Variants in HOOK2 observed in about 807,000 individuals in gnomAD.
HOOK2 encodes hook microtubule tethering protein 2.
A neutral mutation model predicts 111.9 loss-of-function variants in HOOK2; 108 were observed. That is an observed-to-expected ratio of 0.96 (90% confidence interval 0.83 to 1.13). The LOEUF is 1.13. Among genes scored for constraint, HOOK2 ranks in the 50% most tolerant of loss-of-function variants. The probability of loss-of-function intolerance (pLI) is 0.00; values close to 1 mark genes in which losing one functional copy is unlikely to be tolerated. For synonymous variants in HOOK2, 405 were observed against 394.3 expected (o/e 1.03, Z -0.32); for missense variants, 978 against 951.3 (o/e 1.03, Z -0.37).
At chr19:12,768,711 C>A (rs939604350) in intron 11 of HOOK2, among the ~76,000 whole-genome samples, 2 of 152,076 alleles carry the variant, frequency 1.3e-5, no homozygotes, top group African/African-American at 2.4e-5. Flanking sequence ...TGGCCTCAAG[C>A]GATCTCCCAT....
rs1169135270 is a variant in HOOK2 at position 12,791,206 on chromosome 19, C to G, written n.42-16981G>C. Among the ~76,000 whole-genome samples the G allele has an allele frequency of 6.6e-6, 1 of 152,240 alleles. No homozygotes were observed. Among genetic ancestry groups the G allele is most frequent in the African/African-American group, 2.4e-5 (1 of 41,462 alleles). ...GACTCCAGGGAAATCATCCTCCTCC[C>G]TGAAACCCCTCACTCATGTGCCTGG... On this transcript the variant is annotated intron_variant and non_coding_transcript_variant, in intron 3 of 3. Coordinates refer to the HOOK2 transcript ENST00000589765. The surrounding 1 kb of genome is among the most constrained non-coding windows in gnomAD (Gnocchi z 7.0).
Position 12,766,122 on chromosome 19 carries a change from C to A in HOOK2, c.1492G>T (p.Gly498Trp). ...GCTCACCGGTGCTGCGTCTCCAACC[C>A]GTGGCGCGCGCGGTTGGCATCCTCC... The part of the protein sequence containing the change: ...HLEDANRARH[G>W]LETQHRLNQQ... The change falls in exon 15 of 23, where the codon GGG becomes TGG. Residue 498 changes from glycine (G) to tryptophan (W), a missense_variant. Gly to Trp is a radical substitution (Grantham distance 184). This residue lies in a region of HOOK2 where 388 missense variants were observed against 358.3 expected (regional missense o/e 1.08). Coordinates refer to ENST00000397668, the MANE Select transcript of HOOK2 (RefSeq NM_013312.3). The A allele has an allele frequency of 1.9e-6, 3 of 1,602,158 alleles. No individual in the cohort carries two copies. Among genetic ancestry groups the A allele is most frequent in the Non-Finnish European group, 2.5e-6 (3 of 1,178,914 alleles).
upstream of HOOK2, among the ~76,000 whole-genome samples, chr19:12,781,536 C>T (rs111806715): frequency 2.0e-5 from 3 of 151,668 alleles, no homozygotes; most frequent in African/African-American, 7.3e-5. Context: ...GTGTGTTAGC[C>T]AGGATGGTCT....
At chr19:12,788,411 T>G (rs1450403818) in intron 3 of HOOK2, among the ~76,000 whole-genome samples, 1 of 152,144 alleles carries the variant, frequency 6.6e-6, no homozygotes, top group Non-Finnish European at 1.5e-5. Context: ...ATTAAAATAA[T>G]AATTATTATT....
chr19:12,764,519 G>T (rs891358317), intron 20 of HOOK2: 2 of 331,736 alleles, frequency 6.0e-6, no homozygotes, highest in Non-Finnish European at 5.6e-6. Flanking sequence ...TAGTAGAGAT[G>T]GGGTTTCACC....
At chr19:12,771,619 G>T in intron 7 of HOOK2, 142 bp from the exon 8 acceptor site, 1 of 719,328 alleles carries the variant, frequency 1.4e-6, no homozygotes, top group South Asian at 1.7e-5. Flanking sequence ...GCAGTGGCTC[G>T]CGCCTATAAT....
chr19:12,779,426 C>A (rs1169473549), upstream of HOOK2, among the ~76,000 whole-genome samples: 1 of 152,074 alleles, frequency 6.6e-6, no homozygotes, highest in African/African-American at 2.4e-5. Flanking sequence ...TCTGGCAGGC[C>A]CCCTACAGCC....
intron 6 of HOOK2, 116 bp from the exon 7 acceptor site, chr19:12,772,368 T>C (rs1349758452): frequency 4.1e-6 from 5 of 1,225,654 alleles, no homozygotes; most frequent in Non-Finnish European, 6.0e-6. Context: ...TTCTGCCCAA[T>C]AACCCCAGCC....
chr19:12,763,685 G>C lies in HOOK2; in HGVS notation c.1921C>G (p.Arg641Gly). The C allele has an allele frequency of 6.2e-7, 1 of 1,614,190 alleles. No individual in the cohort carries two copies. The highest frequency in any genetic ancestry group is 8.5e-7 in the Non-Finnish European group (1 of 1,180,004). Residue 641 changes from arginine (R) to glycine (G), a missense_variant, in exon 21 of 23, where the codon CGC becomes GGC. Arg to Gly is a moderately radical substitution (Grantham distance 125). This residue lies in a region of HOOK2 where 277 missense variants were observed against 265.8 expected (regional missense o/e 1.04). Transcript: ENST00000397668. ...LRTQLRERDV[R>G]IRHLEMDFEK... ...ACACCCACCTCCAGGTGTCGGATGC[G>C]GACATCCCGTTCTCGGAGCTGTGTC...
Position 12,772,267 on chromosome 19 carries a change from G to A in HOOK2, c.457-15C>T. The A allele has an allele frequency of 6.2e-7, 1 of 1,613,496 alleles. No homozygotes were observed. The highest frequency in any genetic ancestry group is 1.1e-5 in the South Asian group (1 of 91,076). The stretch of plus-strand genomic sequence containing the variant: ...TTGGTCATGAGCTGAGGAGTGGGAA[G>A]GGGCATTGTAATGAACTGGATATCT... On this transcript the variant is annotated splice_polypyrimidine_tract_variant and intron_variant, in intron 6 of 22. Transcript: ENST00000397668.
At chr19:12,766,409 G>C in intron 14 of HOOK2, 169 bp from the exon 15 acceptor site, 1 of 779,820 alleles carries the variant, frequency 1.3e-6, no homozygotes, top group Non-Finnish European at 1.9e-6. Flanking sequence ...CCCGGCCCAG[G>C]GTTAAAGTGG....
rs1968692773 is a variant in HOOK2, at chr19:12,790,010, T to G, written n.42-15785A>C. Among the ~76,000 whole-genome samples the G allele has an allele frequency of 6.6e-6, 1 of 152,026 alleles. No individual in the cohort carries two copies. The highest frequency in any genetic ancestry group is 1.5e-5 in the Non-Finnish European group (1 of 67,966). ...CCCGCGCTCAGTCCTGCCCGCGGACTCCCGCCTGTTGCCATGGCGACCAGG... is the reference window on the plus strand; with the variant it reads ...CCCGCGCTCAGTCCTGCCCGCGGACGCCCGCCTGTTGCCATGGCGACCAGG... On this transcript the variant is annotated intron_variant and non_coding_transcript_variant, in intron 3 of 3. Coordinates refer to the HOOK2 transcript ENST00000589765. This position sits in a 1 kb window ranked among gnomAD's most constrained non-coding sequence, Gnocchi z 7.2.
At chr19:12,779,939 C>A (rs1968582251), upstream of HOOK2, among the ~76,000 whole-genome samples, 2 of 152,086 alleles carry the variant, frequency 1.3e-5, no homozygotes, top group Admixed American at 6.6e-5. Context: ...CACTTGAGGT[C>A]AGGGGTTCAA....
chr19:12,792,152 C>T lies in HOOK2; in HGVS notation n.42-17927G>A, dbSNP rs776344055. 1.6e-5 allele frequency: 26 copies of T among 1,595,718 alleles called. No homozygotes were observed. The South Asian group carries it at 1.9e-4, about 12-fold the overall frequency. ...GAGGTGCAGGGGGCGCAGGGGGCGG[C>T]GTCACCGAGGAGCAGGAGGGCTTCG... On this transcript the variant is annotated intron_variant and non_coding_transcript_variant, in intron 3 of 3. Coordinates refer to the HOOK2 transcript ENST00000589765.
chr19:12,765,837 G>C lies in HOOK2; in HGVS notation c.1600-3C>G, dbSNP rs1033177489. On this transcript the variant is annotated splice_region_variant and splice_polypyrimidine_tract_variant and intron_variant, in intron 16 of 22. Coordinates refer to ENST00000397668, the MANE Select transcript of HOOK2 (RefSeq NM_013312.3). ...GGGCCCATGGTACTTACAATGGCCT[G>C]TATGGGGCATCGGGCAGCATGGGAG... The C allele has an allele frequency of 1.2e-6, 2 of 1,611,312 alleles. No individual in the cohort carries two copies. Among genetic ancestry groups the C allele is most frequent in the African/African-American group, 2.7e-5 (2 of 74,852 alleles).
At chr19:12,765,167 G>C in intron 18 of HOOK2, 86 bp from the exon 19 acceptor site, 2 of 1,299,404 alleles carry the variant, frequency 1.5e-6, no homozygotes, top group Non-Finnish European at 2.2e-6. Flanking sequence ...CTCCCCGCCA[G>C]CCAGAAATGC....
At position 12,769,868 on chromosome 19, in the gene HOOK2, G is replaced by A; in HGVS notation, c.1104+13C>T. ...GGGGCGGGGCCCCGGCCCTAACCCC[G>A]CCCCCGCCGCACCTGCCGCCGCTGC... On this transcript the variant is annotated intron_variant, in intron 11 of 22. Transcript: ENST00000397668. The A allele has an allele frequency of 1.4e-6, 2 of 1,416,414 alleles. No homozygotes were observed. Among genetic ancestry groups the A allele is most frequent in the East Asian group, 3.0e-5 (1 of 33,754 alleles). The allele number at this position is 1,416,414 out of a possible 1,614,324, so 87.7% of individuals were successfully genotyped here.
chr19:12,767,546 T>C (rs1265897765), intron 13 of HOOK2, 82 bp from the exon 14 acceptor site: 4 of 1,219,120 alleles, frequency 3.3e-6, no homozygotes, highest in Admixed American at 1.8e-5. Context: ...GGATCATCTT[T>C]TGGGGCTTCA....
intron 14 of HOOK2, 107 bp downstream of exon 14, chr19:12,767,288 G>T: frequency 1.1e-6 from 1 of 936,348 alleles, no homozygotes; most frequent in Non-Finnish European, 1.7e-6. Context: ...ACCTGGAGCT[G>T]AGACCAAGCA....
Sources: gnomAD v4.1 joint callset for allele counts (sites outside exome capture counted in the v4.1 genomes callset) on GRCh38, gnomAD v4.1.1 for gene constraint, gnomAD v4.1.1 regional missense constraint, Gnocchi (gnomAD v3.1) non-coding constraint, MANE v1.5 for transcripts, NCBI Gene and HGNC (gene_info 2026-07-23, HGNC 2026-07-21) for gene names.